Variants in ARHGAP36 observed in about 807,000 individuals in gnomAD.
The protein encoded by ARHGAP36 is rho GTPase-activating protein 36.
In ARHGAP36, 7 loss-of-function variants were observed where a neutral mutation model predicts 32.9. The observed-to-expected ratio is 0.21, with a 90% CI of 0.12 to 0.40. The LOEUF (loss-of-function observed/expected upper bound fraction) is 0.40. Among genes scored for constraint, ARHGAP36 ranks in the 10% least tolerant of loss-of-function variants. The probability of loss-of-function intolerance (pLI) is 1.00; values close to 1 mark genes in which losing one functional copy is unlikely to be tolerated. For synonymous variants in ARHGAP36, 165 were observed against 168.3 expected, an observed-to-expected ratio of 0.98 and a Z score of 0.15; for missense variants, 383 against 442.2, an observed-to-expected ratio of 0.87 and a Z score of 1.20.
At chrX:131,071,306 A>G (rs756713077) in intron 1 of ARHGAP36, among the ~76,000 whole-genome samples, 2 of 111,016 alleles carry the variant, frequency 1.8e-5, no homozygotes, top group South Asian at 7.9e-4. Context: ...AGAATGTATA[A>G]AGGGGCAGCA....
chrX:131,086,300 A>T, intron 9 of ARHGAP36, 29 bp from the exon 10 acceptor site: 1 of 1,194,399 alleles, frequency 8.4e-7, no homozygotes, highest in Non-Finnish European at 1.1e-6. Context: ...CTGTGTAATG[A>T]TGGCTAATGT....
intron 2 of ARHGAP36, among the ~76,000 whole-genome samples, chrX:131,082,431 G>T (rs2079807047): frequency 8.9e-6 from 1 of 112,527 alleles, no homozygotes; most frequent in African/African-American, 3.2e-5. Context: ...CTCTAGCACT[G>T]CCCACCTCAG....
At chrX:131,072,940 C>T (rs1038744615) in intron 1 of ARHGAP36, 7 of 111,898 alleles carry the variant, frequency 6.3e-5, no homozygotes, top group Non-Finnish European at 1.1e-4. Flanking sequence ...CAGCACTACC[C>T]GCTGCCGCCC....
chrX:131,063,037 T>C (rs1049973781), intron 1 of ARHGAP36, among the ~76,000 whole-genome samples: 5 of 112,457 alleles, frequency 4.4e-5, no homozygotes, highest in Non-Finnish European at 9.4e-5. Context: ...CTTTGACTTA[T>C]TTGATTATCT....
chrX:131,081,655 C>A lies in ARHGAP36; in HGVS notation c.-11C>A. 1 of 1,116,938 alleles carries A rather than the reference C, an allele frequency of 9.0e-7. No homozygotes were observed. The highest frequency in any genetic ancestry group is 1.8e-5 in the South Asian group (1 of 55,309). 92.0% of individuals were successfully genotyped at this position (1,116,938 alleles called of 1,213,427 possible). ...TGGATGATGCAGCCTTGATAATCAT[C>A]CGATTCCAGAATGGGTGGCTGCATT... On this transcript the variant is annotated 5_prime_UTR_variant, in exon 2 of 12. Coordinates refer to ENST00000276211, the MANE Select transcript of ARHGAP36 (RefSeq NM_144967.4).
chrX:131,067,938 A>G (rs1427008715), intron 1 of ARHGAP36, among the ~76,000 whole-genome samples: 1 of 111,269 alleles, frequency 9.0e-6, no homozygotes, highest in Non-Finnish European at 1.9e-5. Flanking sequence ...ATATGCACAC[A>G]AGCTTCAACG....
chrX:131,086,476 A>G (rs748219417), intron 10 of ARHGAP36, 50 bp downstream of exon 10: 3 of 1,200,331 alleles, frequency 2.5e-6, no homozygotes, highest in Middle Eastern at 2.3e-4. Context: ...ACCTCCTCCT[A>G]TGGGGTTTTC....
intron 11 of ARHGAP36, 148 bp from the exon 12 acceptor site, chrX:131,088,480 T>A (rs3859990): frequency 0.16 from 85,080 of 531,778 alleles, 7,654 homozygotes; most frequent in African/African-American, 0.52. Flanking sequence ...TGTAGTATTC[T>A]TATATGTCAA....
At chrX:131,069,624 G>A (rs2079722312) in intron 1 of ARHGAP36, among the ~76,000 whole-genome samples, 1 of 111,711 alleles carries the variant, frequency 9.0e-6, no homozygotes, top group African/African-American at 3.3e-5. Flanking sequence ...CCCAAGCCAG[G>A]CCAGAAACAC....
chrX:131,084,648 T>C lies in ARHGAP36; in HGVS notation c.771T>C (p.Phe257=). Reference sequence around the variant, plus strand: ...CAGGCTTAAGCGCAGTGGGGATTTTTACCCTTGAATACTCCGTGCAGCGAG... The same window carrying C: ...CAGGCTTAAGCGCAGTGGGGATTTTCACCCTTGAATACTCCGTGCAGCGAG... ...EKHGLSAVGI[F]TLEYSVQRVR... The change falls in exon 6 of 12, where the codon TTT becomes TTC. Residue 257 remains phenylalanine, a synonymous_variant. Coordinates refer to ENST00000276211, the MANE Select transcript of ARHGAP36 (RefSeq NM_144967.4). 8.3e-7 allele frequency: 1 copy of C among 1,211,877 alleles called. No individual in the cohort carries two copies. The highest frequency in any genetic ancestry group is 1.1e-6 in the Non-Finnish European group (1 of 895,535).
chrX:131,071,762 C>T (rs1312417260), intron 1 of ARHGAP36, among the ~76,000 whole-genome samples: 6 of 111,655 alleles, frequency 5.4e-5, no homozygotes, highest in Non-Finnish European at 7.5e-5. Flanking sequence ...CCATGTTTCC[C>T]TCTTGCTGGG....
chrX:131,082,582 G>C (rs951535809), intron 2 of ARHGAP36, among the ~76,000 whole-genome samples: 10 of 113,474 alleles, frequency 8.8e-5, no homozygotes, highest in Admixed American at 4.6e-4. Context: ...GTATTGGAAA[G>C]TGCTGGGGGT....
Position 131,084,530 on chromosome X carries a change from G to C in ARHGAP36, c.749-96G>C. On this transcript the variant is annotated intron_variant, in intron 5 of 11. Transcript: ENST00000276211. ...TTGGATAACATTCCCCTGACACCCA[G>C]TGGAGGTCGCGATGCAGTAGGGGGT... The C allele has an allele frequency of 2.6e-6, 3 of 1,142,202 alleles. No individual in the cohort carries two copies. In the South Asian group the frequency reaches 5.7e-5, roughly 22 times the overall value. The allele number at this position is 1,142,202 out of a possible 1,213,427, so 94.1% of individuals were successfully genotyped here.
At chrX:131,078,675 C>G in intron 1 of ARHGAP36, 1 of 736,720 alleles carries the variant, frequency 1.4e-6, no homozygotes, top group Non-Finnish European at 1.9e-6. Context: ...CACCCATCTG[C>G]TTCTTGTCTG....
intron 6 of ARHGAP36, 111 bp from the exon 7 acceptor site, chrX:131,084,803 G>A: frequency 5.2e-6 from 6 of 1,163,556 alleles, no homozygotes; most frequent in Non-Finnish European, 5.8e-6. Context: ...TAGCCCCCAG[G>A]CCCACCATAT....
At chrX:131,060,571 C>T (rs977380375) in intron 1 of ARHGAP36, among the ~76,000 whole-genome samples, 2 of 112,583 alleles carry the variant, frequency 1.8e-5, no homozygotes, top group African/African-American at 6.5e-5. Context: ...GAAAGCTACT[C>T]TTTTTCCTTA....
chrX:131,078,683 C>G lies in ARHGAP36; in HGVS notation c.-142-2841C>G. On this transcript the variant is annotated intron_variant, in intron 1 of 11. Coordinates refer to ENST00000276211, the MANE Select transcript of ARHGAP36 (RefSeq NM_144967.4). ...CCCACCCCACCCATCTGCTTCTTGT[C>G]TGGGGACATTGGTCTTCCTAAATCT... The G allele has an allele frequency of 9.1e-6, 6 of 659,224 alleles. No homozygotes were observed. In the South Asian group the frequency reaches 1.4e-4, roughly 16 times the overall value. 54.3% of individuals were successfully genotyped at this position (659,224 alleles called of 1,213,427 possible).
At chrX:131,066,264 C>T (rs531619679) in intron 1 of ARHGAP36, among the ~76,000 whole-genome samples, 22 of 111,714 alleles carry the variant, frequency 2.0e-4, no homozygotes, top group East Asian at 1.1e-3. Flanking sequence ...ATTTGAAATT[C>T]GCCATATACC....
At chrX:131,085,840 A>G in intron 8 of ARHGAP36, 73 bp from the exon 9 acceptor site, 2 of 1,179,883 alleles carry the variant, frequency 1.7e-6, no homozygotes, top group Non-Finnish European at 2.3e-6. Context: ...ACAAGAATAA[A>G]AAGAGACATA....
Sources: allele counts gnomAD v4.1 joint callset (sites outside exome capture counted in the v4.1 genomes callset), GRCh38; gene constraint gnomAD v4.1.1; transcripts MANE v1.5; gene names NCBI Gene and HGNC (gene_info 2026-07-23, HGNC 2026-07-21).